CRHBP: variants seen among roughly 807,000 people sequenced by gnomAD.
CRHBP encodes corticotropin-releasing hormone-binding protein.
Under a neutral mutation model 34.9 loss-of-function variants are expected in CRHBP, and 19 were observed. The observed-to-expected ratio is 0.55, with a 90% CI of 0.38 to 0.80. The LOEUF (loss-of-function observed/expected upper bound fraction) is 0.80, where lower values mean the gene tolerates loss of function less well. CRHBP is among the 30% of genes least tolerant of loss of function. CRHBP has a pLI of 0.00. For synonymous variants in CRHBP, 154 were observed against 153.4 expected, an observed-to-expected ratio of 1.00 and a Z score of -0.03; for missense variants, 328 against 409.2, an observed-to-expected ratio of 0.80 and a Z score of 1.71.
Position 76,963,465 on chromosome 5 carries a change from G to A in CRHBP, c.811+5G>A. On this transcript the variant is annotated splice_donor_5th_base_variant and intron_variant, in intron 6 of 6. Transcript: ENST00000274368. ...GCTACCCCTTTCATGGCCCGGGTGA[G>A]GTATTTCTTTGATTGTTATGTATGT... 1 of 1,609,920 alleles carries A rather than the reference G, an allele frequency of 6.2e-7. No homozygotes were observed. The highest frequency in any genetic ancestry group is 8.5e-7 in the Non-Finnish European group (1 of 1,176,574).
chr5:76,957,069 G>C (rs998589259), intron 4 of CRHBP, among the ~76,000 whole-genome samples: 3 of 152,142 alleles, frequency 2.0e-5, no homozygotes, highest in African/African-American at 4.8e-5. Flanking sequence ...GGCCAGGCGT[G>C]GTGGCTCATG....
chr5:76,968,289 C>T (rs1745892100), intron 6 of CRHBP, among the ~76,000 whole-genome samples: 1 of 150,312 alleles, frequency 6.7e-6, no homozygotes, highest in Admixed American at 6.7e-5. Flanking sequence ...AACCCTAGAT[C>T]GGTGACAACC....
chr5:76,965,707 C>A (rs1483814362), intron 6 of CRHBP, among the ~76,000 whole-genome samples: 1 of 152,190 alleles, frequency 6.6e-6, no homozygotes, highest in Non-Finnish European at 1.5e-5. Flanking sequence ...CAGAAAACCA[C>A]TTTTGCCTAC....
downstream of CRHBP, among the ~76,000 whole-genome samples, chr5:76,972,811 C>T (rs536627452): frequency 2.6e-5 from 4 of 152,324 alleles, no homozygotes; most frequent in South Asian, 8.3e-4. Flanking sequence ...GTGGGTAGGG[C>T]AGAAATGCTA....
chr5:76,961,072 C>T (rs1745769511), intron 5 of CRHBP, among the ~76,000 whole-genome samples: 1 of 152,060 alleles, frequency 6.6e-6, no homozygotes, highest in African/African-American at 2.4e-5. Flanking sequence ...TGGCCAAGTA[C>T]TTTTTTGGTA....
intron 5 of CRHBP, among the ~76,000 whole-genome samples, chr5:76,962,957 C>T (rs1036458755): frequency 6.6e-6 from 1 of 152,124 alleles, no homozygotes; most frequent in African/African-American, 2.4e-5. Context: ...GCTGTGACTG[C>T]ATGCATTAAG....
intron 2 of CRHBP, 87 bp downstream of exon 2, chr5:76,953,781 C>A: frequency 1.4e-6 from 2 of 1,394,696 alleles, no homozygotes; most frequent in South Asian, 1.3e-5. Context: ...GCGGACATCT[C>A]GGGGAAGGGG....
At chr5:76,964,582 G>A (rs970574039) in intron 6 of CRHBP, among the ~76,000 whole-genome samples, 2 of 152,176 alleles carry the variant, frequency 1.3e-5, no homozygotes, top group Non-Finnish European at 2.9e-5. Flanking sequence ...GGCTAGGCGC[G>A]GTGTCTCACG....
intron 4 of CRHBP, among the ~76,000 whole-genome samples, chr5:76,957,095 C>T (rs1745684253): frequency 6.6e-6 from 1 of 152,098 alleles, no homozygotes; most frequent in Admixed American, 6.5e-5. Flanking sequence ...AATCCTAGCA[C>T]TTTGGGAGGC....
intron 5 of CRHBP, among the ~76,000 whole-genome samples, chr5:76,961,908 C>T (rs748449650): frequency 3.3e-5 from 5 of 152,192 alleles, no homozygotes; most frequent in South Asian, 2.1e-4. Context: ...TGTGTGCCAC[C>T]GCGCTTGGCT....
At chr5:76,980,254 C>CAAAAAA (rs574362034) in intron 3 of CRHBP, among the ~76,000 whole-genome samples, 4 of 82,386 alleles carry the variant, frequency 4.9e-5, no homozygotes, top group Non-Finnish European at 7.4e-5. Flanking sequence ...GACTCCGTCT[C>CAAAAAA]AAAAAAAAAA....
intron 6 of CRHBP, among the ~76,000 whole-genome samples, chr5:76,965,101 G>T (rs1745843023): frequency 6.6e-6 from 1 of 152,026 alleles, no homozygotes; most frequent in Admixed American, 6.6e-5. Context: ...ATCTACAGAT[G>T]ATTTAAAGTA....
chr5:76,980,334 T>A (rs1256026995), intron 3 of CRHBP, among the ~76,000 whole-genome samples: 1 of 151,932 alleles, frequency 6.6e-6, no homozygotes, highest in African/African-American at 2.4e-5. Context: ...GCTTGCTGGC[T>A]TTATTGCTGC....
At chr5:76,956,464 G>A (rs527525616) in intron 4 of CRHBP, among the ~76,000 whole-genome samples, 2 of 152,298 alleles carry the variant, frequency 1.3e-5, no homozygotes, top group South Asian at 2.1e-4. Flanking sequence ...TTTACTCCGC[G>A]GTGGCTCACG....
At chr5:76,959,117 C>G in intron 5 of CRHBP, 1 of 439,236 alleles carries the variant, frequency 2.3e-6, no homozygotes, top group Non-Finnish European at 4.0e-6. Context: ...TACTTGAATA[C>G]TTTCCCTGTG....
chr5:76,955,523 AGT>A, intron 3 of CRHBP, 128 bp from the exon 4 acceptor site: 1 of 709,662 alleles, frequency 1.4e-6, no homozygotes, highest in Non-Finnish European at 2.3e-6. Flanking sequence ...GAGCAGGCAG[AGT>A]GTGGACTGTC....
chr5:76,954,025 C>G lies in CRHBP; in HGVS notation c.176-4C>G, dbSNP rs762057956. 1.9e-6 allele frequency: 3 copies of G among 1,611,390 alleles called. No homozygotes were observed. The highest frequency in any genetic ancestry group is 2.7e-5 in the African/African-American group (2 of 74,866). ...ACTTATTGCCCCATGCCCTCCTCCCCCAGGGTGCCTGGACATGCTGAGCCT... is the reference window on the plus strand; with the variant it reads ...ACTTATTGCCCCATGCCCTCCTCCCGCAGGGTGCCTGGACATGCTGAGCCT... On this transcript the variant is annotated splice_region_variant and splice_polypyrimidine_tract_variant and intron_variant, in intron 2 of 6. Transcript: ENST00000274368.
downstream of CRHBP, among the ~76,000 whole-genome samples, chr5:76,971,935 C>T (rs947865985): frequency 6.6e-6 from 1 of 152,200 alleles, no homozygotes; most frequent in Non-Finnish European, 1.5e-5. Context: ...CTGCTTTCTA[C>T]AACCAATAAC....
chr5:76,955,880 A>G lies in CRHBP; in HGVS notation c.544+17A>G. 1 of 1,610,242 alleles carries G rather than the reference A, an allele frequency of 6.2e-7. No homozygotes were observed. Among genetic ancestry groups the G allele is most frequent in the Non-Finnish European group, 8.5e-7 (1 of 1,177,140 alleles). ...ACCTCTTTCGTAAGTGTTCTCAGTCAAAAGGCAGAACTTCGGATATAGACC... is the reference window on the plus strand; with the variant it reads ...ACCTCTTTCGTAAGTGTTCTCAGTCGAAAGGCAGAACTTCGGATATAGACC... On this transcript the variant is annotated intron_variant, in intron 4 of 6. Coordinates refer to ENST00000274368, the MANE Select transcript of CRHBP (RefSeq NM_001882.4).
Sources: gnomAD v4.1 joint callset for allele counts (sites outside exome capture counted in the v4.1 genomes callset) on GRCh38, gnomAD v4.1.1 for gene constraint, MANE v1.5 for transcripts, NCBI Gene and HGNC (gene_info 2026-07-23, HGNC 2026-07-21) for gene names.